The following MALRD1 variants were observed in gnomAD, a reference collection of about 807,000 sequenced individuals.
MALRD1 encodes MAM and LDL receptor class A domain containing 1, also known as MAM and LDL-receptor class A domain-containing protein 1.
A neutral mutation model predicts 242.1 loss-of-function variants in MALRD1; 247 were observed. The ratio of observed to expected loss-of-function variants is 1.02; its 90% CI spans 0.92 to 1.13. MALRD1 has a LOEUF of 1.13. Among genes scored for constraint, MALRD1 ranks in the 50% most tolerant of loss-of-function variants. The pLI, the probability that MALRD1 is intolerant of heterozygous loss-of-function variation, is 0.00. For missense variants in MALRD1, 2,989 were observed against 2,533.1 expected (o/e 1.18, Z -3.86); for synonymous variants, 995 against 866.6 (o/e 1.15, Z -2.60).
chr10:19,713,575 G>A (rs1266775962), intron 38 of MALRD1, among the ~76,000 whole-genome samples: 3 of 152,220 alleles, frequency 2.0e-5, no homozygotes, highest in South Asian at 4.1e-4. Flanking sequence ...TATTTAAGAA[G>A]CAAGTTGCTA....
chr10:19,088,220 A>G, intron 4 of MALRD1, 35 bp downstream of exon 4: 1 of 1,230,114 alleles, frequency 8.1e-7, no homozygotes, highest in Non-Finnish European at 1.0e-6. Flanking sequence ...ATGGCCTTGA[A>G]GAAAAATAAG....
chr10:19,117,406 T>C (rs937835497), intron 5 of MALRD1, among the ~76,000 whole-genome samples: 1 of 151,826 alleles, frequency 6.6e-6, no homozygotes, highest in Non-Finnish European at 1.5e-5. Context: ...ATGCAATTTG[T>C]ACTCAACTGT....
At chr10:19,722,030 T>C (rs575996806) in intron 38 of MALRD1, 2 of 152,198 alleles carry the variant, frequency 1.3e-5, no homozygotes, top group Non-Finnish European at 2.9e-5. Flanking sequence ...CAGAGAGAAG[T>C]TAGTGGACTT....
chr10:19,672,411 C>CTTTTTTTTT (rs200485712), intron 36 of MALRD1, among the ~76,000 whole-genome samples: 10 of 125,540 alleles, frequency 8.0e-5, no homozygotes, highest in South Asian at 2.6e-4. Context: ...AGATATATAG[C>CTTTTTTTTT]TTTTTTTTTT....
chr10:19,529,208 A>C (rs930925047), intron 31 of MALRD1, among the ~76,000 whole-genome samples: 1 of 152,216 alleles, frequency 6.6e-6, no homozygotes, highest in Non-Finnish European at 1.5e-5. Flanking sequence ...CCTTCAAGAA[A>C]AACTATTTTA....
At position 19,711,953 on chromosome 10, in the gene MALRD1, G is replaced by C. The variant is rs146889607; in HGVS notation, c.6315-18753G>C. Among the ~76,000 whole-genome samples, 1,240 of 152,250 alleles carry C rather than the reference G, an allele frequency of 8.1e-3. 7 individuals are homozygous for C. The highest frequency in any genetic ancestry group is 0.044 in the Middle Eastern group (13 of 294). ...GTAAGGAAGAGGAGCTGGTCAAAAG[G>C]GGGCAGGTGGTCAGTTGGAAAATTG... On this transcript the variant is annotated intron_variant, in intron 38 of 39. Coordinates refer to ENST00000454679, the MANE Select transcript of MALRD1 (RefSeq NM_001142308.3).
chr10:19,576,533 A>T (rs889502845), intron 33 of MALRD1, among the ~76,000 whole-genome samples: 13 of 152,242 alleles, frequency 8.5e-5, no homozygotes, highest in African/African-American at 3.1e-4. Flanking sequence ...ATAAATTCAT[A>T]CAAGTTATAA....
chr10:19,699,548 T>C (rs1833526905), intron 38 of MALRD1, among the ~76,000 whole-genome samples: 1 of 152,086 alleles, frequency 6.6e-6, no homozygotes, highest in Non-Finnish European at 1.5e-5. Context: ...ACCTTTCCTT[T>C]AAAAGGTGTA....
intron 18 of MALRD1, among the ~76,000 whole-genome samples, chr10:19,240,407 T>C (rs982937797): frequency 3.3e-5 from 5 of 151,918 alleles, no homozygotes; most frequent in Non-Finnish European, 7.4e-5. Context: ...TCTCACTCTA[T>C]ATAAGTATAT....
At chr10:19,701,043 G>A (rs1189346807) in intron 38 of MALRD1, among the ~76,000 whole-genome samples, 1 of 152,092 alleles carries the variant, frequency 6.6e-6, no homozygotes, top group Non-Finnish European at 1.5e-5. Context: ...CAGCTATTCC[G>A]GAGGCAGAGT....
chr10:19,465,969 A>G (rs1836200550), intron 29 of MALRD1, among the ~76,000 whole-genome samples: 1 of 152,242 alleles, frequency 6.6e-6, no homozygotes, highest in Non-Finnish European at 1.5e-5. Context: ...AATTCTCACC[A>G]AACTTTTTAA....
intron 28 of MALRD1, among the ~76,000 whole-genome samples, chr10:19,391,110 C>T (rs1846318207): frequency 6.6e-6 from 1 of 152,106 alleles, no homozygotes; most frequent in Admixed American, 6.6e-5. Context: ...AAGTGTAATA[C>T]TAAACCATTT....
At chr10:19,317,620 T>C (rs1842760502) in intron 21 of MALRD1, among the ~76,000 whole-genome samples, 2 of 152,030 alleles carry the variant, frequency 1.3e-5, no homozygotes, top group South Asian at 2.1e-4. Context: ...ATACTGTGTG[T>C]GTCCAGGCCC....
chr10:19,630,879 A>G (rs542019434), intron 36 of MALRD1, among the ~76,000 whole-genome samples: 6 of 152,316 alleles, frequency 3.9e-5, no homozygotes, highest in South Asian at 2.1e-4. Context: ...GCAAAACATC[A>G]TAATATATAA....
chr10:19,341,547 T>TAC (rs1169914956), intron 24 of MALRD1, among the ~76,000 whole-genome samples: 4 of 143,720 alleles, frequency 2.8e-5, no homozygotes, highest in Non-Finnish European at 4.5e-5. Flanking sequence ...CACATATATA[T>TAC]ACACACACAC....
At chr10:19,079,082 T>C (rs753547393) in intron 2 of MALRD1, among the ~76,000 whole-genome samples, 28 of 151,550 alleles carry the variant, frequency 1.8e-4, no homozygotes, top group Non-Finnish European at 3.7e-4. Context: ...TTATTATTAA[T>C]GTTGAGATCT....
chr10:19,518,173 T>C (rs1275170048), intron 31 of MALRD1, among the ~76,000 whole-genome samples: 1 of 152,208 alleles, frequency 6.6e-6, no homozygotes, highest in African/African-American at 2.4e-5. Flanking sequence ...CTGTTGTTTG[T>C]TATACTCCTA....
chr10:19,399,210 T>C (rs1846720191), intron 28 of MALRD1, among the ~76,000 whole-genome samples: 1 of 152,236 alleles, frequency 6.6e-6, no homozygotes, highest in Non-Finnish European at 1.5e-5. Flanking sequence ...CTAGTCTGTG[T>C]AGGAATCCTG....
intron 21 of MALRD1, among the ~76,000 whole-genome samples, chr10:19,287,360 C>A (rs1022535381): frequency 9.9e-5 from 15 of 151,904 alleles, no homozygotes; most frequent in African/African-American, 2.7e-4. Context: ...GGAATAAAAC[C>A]TCTATTTCTC....
Sources: allele counts gnomAD v4.1 joint callset (sites outside exome capture counted in the v4.1 genomes callset), GRCh38; gene constraint gnomAD v4.1.1; transcripts MANE v1.5; gene names NCBI Gene and HGNC (gene_info 2026-07-23, HGNC 2026-07-21).